The following GNAL variants were observed in gnomAD, a reference collection of about 807,000 sequenced individuals.
The protein encoded by GNAL is G protein subunit alpha L, also known as guanine nucleotide-binding protein G(olf) subunit alpha.
Under a neutral mutation model 55.1 loss-of-function variants are expected in GNAL, and 18 were observed. The observed-to-expected ratio is 0.33, with a 90% CI of 0.23 to 0.48. GNAL has a LOEUF of 0.48. Among genes scored for constraint, GNAL ranks in the 20% least tolerant of loss-of-function variants. The probability of loss-of-function intolerance (pLI) is 0.99; values close to 1 mark genes in which losing one functional copy is unlikely to be tolerated. For missense variants in GNAL, 412 were observed against 614.1 expected (o/e 0.67, Z 3.48); for synonymous variants, 253 against 237.0 (o/e 1.07, Z -0.62).
intron 1 of GNAL, among the ~76,000 whole-genome samples, chr18:11,722,880 G>A (rs753571242): frequency 4.6e-5 from 7 of 151,812 alleles, no homozygotes; most frequent in Non-Finnish European, 7.4e-5. Context: ...GCGTGGTGGC[G>A]CATGCCTATA....
chr18:11,828,388 G>C (rs2035302235), intron 5 of GNAL, among the ~76,000 whole-genome samples: 1 of 152,204 alleles, frequency 6.6e-6, no homozygotes, highest in African/African-American at 2.4e-5. Flanking sequence ...GGGCGACAGA[G>C]TGAGACCCTG....
chr18:11,768,411 G>T (rs780305596), intron 4 of GNAL, among the ~76,000 whole-genome samples: 6 of 152,232 alleles, frequency 3.9e-5, no homozygotes, highest in Non-Finnish European at 8.8e-5. Context: ...AGACCAGCCT[G>T]ACCAACATGG....
chr18:11,809,084 C>T (rs369652485), intron 4 of GNAL, among the ~76,000 whole-genome samples: 1 of 152,132 alleles, frequency 6.6e-6, no homozygotes, highest in Non-Finnish European at 1.5e-5. Flanking sequence ...ATGGCAAAAC[C>T]CTGTCTCTAC....
rs182311468 is a variant in GNAL, at chr18:11,843,638, A to T, written c.722+18623A>T. Among the ~76,000 whole-genome samples, 35 of 152,348 alleles carry T rather than the reference A, an allele frequency of 2.3e-4. 1 individual carries two copies. Among genetic ancestry groups the T allele is most frequent in the African/African-American group, 8.2e-4 (34 of 41,584 alleles). On this transcript the variant is annotated intron_variant, in intron 5 of 11. Transcript: ENST00000334049. ...AGTTAAGTTATATTTGATTTCTAAT[A>T]CCATTTTGCTTCCTAACGAAAGACA...
chr18:11,874,724 C>G (rs1333565271), intron 10 of GNAL, among the ~76,000 whole-genome samples: 1 of 150,166 alleles, frequency 6.7e-6, no homozygotes, highest in Admixed American at 6.7e-5. Flanking sequence ...GACCCCCACC[C>G]CCGCCAAGAT....
At chr18:11,866,023 T>C (rs1006378549) in intron 7 of GNAL, among the ~76,000 whole-genome samples, 2 of 149,658 alleles carry the variant, frequency 1.3e-5, no homozygotes, top group Non-Finnish European at 2.9e-5. Flanking sequence ...AGACACCTAC[T>C]TCCAGATTTC....
At chr18:11,876,464 T>TA (rs1002441886) in intron 10 of GNAL, among the ~76,000 whole-genome samples, 157 bp from the exon 11 acceptor site, 8 of 135,872 alleles carry the variant, frequency 5.9e-5, no homozygotes, top group African/African-American at 1.5e-4. Context: ...CTCCGTCTCT[T>TA]AAAAAAAAAA....
chr18:11,817,809 G>A (rs1018280946), intron 4 of GNAL, among the ~76,000 whole-genome samples: 6 of 151,544 alleles, frequency 4.0e-5, no homozygotes, highest in Admixed American at 6.6e-5. Context: ...GGCTGGTCTC[G>A]AACTCCTGGG....
chr18:11,805,727 A>G (rs928599031), intron 4 of GNAL, among the ~76,000 whole-genome samples: 1 of 152,208 alleles, frequency 6.6e-6, no homozygotes, highest in Non-Finnish European at 1.5e-5. Flanking sequence ...TTGCGTGTAT[A>G]TATACCACAT....
chr18:11,773,278 A>G (rs998402675), intron 4 of GNAL, among the ~76,000 whole-genome samples: 1 of 152,218 alleles, frequency 6.6e-6, no homozygotes, highest in Non-Finnish European at 1.5e-5. Context: ...TACAATTGCA[A>G]CAACTAGAAG....
At position 11,885,224 on chromosome 18, in the gene GNAL, T is replaced by C. The variant is rs1183895407; in HGVS notation, c.*4089T>C. The stretch of plus-strand genomic sequence containing the variant: ...ATCATGAGCTGGATGCAGGAGCCCA[T>C]GGCTGAAAGGAGTTAAAACGCCCAG... On this transcript the variant is annotated 3_prime_UTR_variant, in exon 12 of 12. Coordinates refer to ENST00000334049, the MANE Select transcript of GNAL (RefSeq NM_182978.4). 2 of 341,352 alleles carry C rather than the reference T, an allele frequency of 5.9e-6. No individual in the cohort carries two copies. Among genetic ancestry groups the C allele is most frequent in the African/African-American group, 4.5e-5 (2 of 44,882 alleles). The allele number at this position is 341,352 out of a possible 1,614,324, so 21.1% of individuals were successfully genotyped here.
At chr18:11,729,494 A>T (rs1694206139) in intron 1 of GNAL, among the ~76,000 whole-genome samples, 1 of 152,146 alleles carries the variant, frequency 6.6e-6, no homozygotes, top group Non-Finnish European at 1.5e-5. Flanking sequence ...CCTCTTTGAA[A>T]CATTTTCTGA....
At position 11,885,534 on chromosome 18, in the gene GNAL, T is replaced by C. The variant is rs1567922021; in HGVS notation, c.*4399T>C. 3 of 949,744 alleles carry C rather than the reference T, an allele frequency of 3.2e-6. No individual in the cohort carries two copies. The highest frequency in any genetic ancestry group is 5.3e-5 in the East Asian group (2 of 37,576). The allele number at this position is 949,744 out of a possible 1,614,324, so 58.8% of individuals were successfully genotyped here. Reference sequence around the variant, plus strand: ...CGGAAGGGTGTTTGGCAAGGGGCAGTGTATGGAGCTACGTGTAGAAGGAGA... The same window carrying C: ...CGGAAGGGTGTTTGGCAAGGGGCAGCGTATGGAGCTACGTGTAGAAGGAGA... On this transcript the variant is annotated 3_prime_UTR_variant, in exon 12 of 12. Transcript: ENST00000334049.
rs1442422268 is a variant in GNAL, at chr18:11,829,808, G to A, written c.722+4793G>A. 4.6e-5 allele frequency among the ~76,000 whole-genome samples: 7 copies of A among 152,220 alleles called. No homozygotes were observed. The East Asian group carries it at 5.8e-4, about 13-fold the overall frequency. On this transcript the variant is annotated intron_variant, in intron 5 of 11. Coordinates refer to ENST00000334049, the MANE Select transcript of GNAL (RefSeq NM_182978.4). ...GTAGATCACTTGAGGTCAGGAGTTC[G>A]AGACCAACCTGACAAACATGGTGAA... is the stretch of plus-strand genomic sequence containing the variant.
intron 4 of GNAL, among the ~76,000 whole-genome samples, chr18:11,800,717 G>C (rs912249184): frequency 3.3e-5 from 5 of 152,328 alleles, no homozygotes; most frequent in Admixed American, 2.0e-4. Flanking sequence ...TCGTGGGGCT[G>C]TCATGTGGAA....
At chr18:11,754,952 GAA>G (rs746319572) in intron 4 of GNAL, among the ~76,000 whole-genome samples, 1 of 152,078 alleles carries the variant, frequency 6.6e-6, no homozygotes, top group Admixed American at 6.6e-5. Context: ...AAGCTTCTCA[GAA>G]AGTCATTTTC....
rs563273618 is a variant in GNAL at position 11,866,591 on chromosome 18, C to T, written c.852-577C>T. 6.2e-4 allele frequency among the ~76,000 whole-genome samples: 94 copies of T among 150,516 alleles called. 9 individuals carry two copies. The highest frequency in any genetic ancestry group is 2.3e-3 in the African/African-American group (91 of 39,808). On this transcript the variant is annotated intron_variant, in intron 7 of 11. Transcript: ENST00000334049. ...TGAGGTCGCCTTGGCTGAGCGAGAC[C>T]GGGAAGCAGCTCGGGCTGGGCAGAG...
intron 4 of GNAL, among the ~76,000 whole-genome samples, chr18:11,805,401 G>A (rs2034633143): frequency 6.6e-6 from 1 of 152,130 alleles, no homozygotes; most frequent in South Asian, 2.1e-4. Flanking sequence ...AGCTTGGGTG[G>A]AACATGGAGA....
intron 1 of GNAL, among the ~76,000 whole-genome samples, chr18:11,706,758 CA>C (rs2031722514): frequency 6.6e-6 from 1 of 152,196 alleles, no homozygotes; most frequent in Non-Finnish European, 1.5e-5. Flanking sequence ...ACTCCTCACC[CA>C]TTAACATTGT....
Sources: allele counts gnomAD v4.1 joint callset (sites outside exome capture counted in the v4.1 genomes callset), GRCh38; gene constraint gnomAD v4.1.1; transcripts MANE v1.5; gene names NCBI Gene and HGNC (gene_info 2026-07-23, HGNC 2026-07-21).